EDA: variants seen among roughly 807,000 people sequenced by gnomAD.
EDA encodes ectodysplasin-A.
A neutral mutation model predicts 23.6 loss-of-function variants in EDA; 2 were observed. The ratio of observed to expected loss-of-function variants is 0.08; its 90% CI spans 0.03 to 0.27. EDA has a LOEUF of 0.27. Ranked by LOEUF, EDA falls within the 10% of genes least tolerant of loss-of-function variation. The pLI is 1.00. For synonymous variants in EDA, 131 were observed against 132.0 expected, an observed-to-expected ratio of 0.99 and a Z score of 0.05; for missense variants, 229 against 324.2, an observed-to-expected ratio of 0.71 and a Z score of 2.26.
At chrX:69,730,728 T>C (rs1826858804) in intron 1 of EDA, among the ~76,000 whole-genome samples, 1 of 111,984 alleles carries the variant, frequency 8.9e-6, no homozygotes, top group South Asian at 3.7e-4. Context: ...TGCTCAGTGC[T>C]GTGCTTTAGT....
intron 1 of EDA, among the ~76,000 whole-genome samples, chrX:69,663,259 A>G (rs145115644): frequency 0.014 from 1,533 of 111,785 alleles, 20 homozygotes; most frequent in African/African-American, 0.045. Flanking sequence ...GCATAAGAGG[A>G]AAAATTGGTT....
intron 1 of EDA, among the ~76,000 whole-genome samples, chrX:69,842,012 C>T (rs1199987614): frequency 8.9e-6 from 1 of 111,905 alleles, no homozygotes; most frequent in Non-Finnish European, 1.9e-5. Context: ...TATCAGGGGT[C>T]CCCCCCGTCG....
chrX:70,007,433 G>A (rs1310041307), intron 2 of EDA, among the ~76,000 whole-genome samples: 1 of 111,351 alleles, frequency 9.0e-6, no homozygotes, highest in Non-Finnish European at 1.9e-5. Context: ...GTGAGTTCTA[G>A]TGAGATCTGA....
intron 1 of EDA, among the ~76,000 whole-genome samples, chrX:69,818,572 G>A (rs2016135673): frequency 8.9e-6 from 1 of 111,732 alleles, no homozygotes; most frequent in Non-Finnish European, 1.9e-5. Flanking sequence ...ACTACCATCA[G>A]AGAATACTAT....
At chrX:69,895,609 A>G (rs1306661120) in intron 1 of EDA, among the ~76,000 whole-genome samples, 2 of 111,936 alleles carry the variant, frequency 1.8e-5, no homozygotes, top group African/African-American at 6.5e-5. Flanking sequence ...AAAATCCTAC[A>G]TTATATAAAT....
chrX:69,649,332 A>G (rs1183665694), intron 1 of EDA, among the ~76,000 whole-genome samples: 5 of 112,088 alleles, frequency 4.5e-5, no homozygotes, highest in Middle Eastern at 4.2e-3. Flanking sequence ...AGGTTGGTCT[A>G]TTTAGTCCAG....
intron 1 of EDA, among the ~76,000 whole-genome samples, chrX:69,745,864 T>G (rs745407829): frequency 1.8e-5 from 2 of 111,165 alleles, no homozygotes; most frequent in East Asian, 5.7e-4. Flanking sequence ...AGTGGGCACC[T>G]GTAATCCCAG....
chrX:69,910,101 T>A (rs1352365068), intron 1 of EDA, among the ~76,000 whole-genome samples: 2 of 111,421 alleles, frequency 1.8e-5, no homozygotes, highest in African/African-American at 6.5e-5. Flanking sequence ...CAGTTTTATA[T>A]CTATTATTAA....
At chrX:69,647,950 G>A (rs1385518776) in intron 1 of EDA, among the ~76,000 whole-genome samples, 1 of 111,430 alleles carries the variant, frequency 9.0e-6, no homozygotes, top group South Asian at 3.8e-4. Context: ...TGTACCGTAG[G>A]ACTGCTGTGG....
intron 5 of EDA, 119 bp downstream of exon 5, chrX:70,029,657 T>TCTGA (rs1163119410): frequency 3.8e-6 from 3 of 787,598 alleles, no homozygotes; most frequent in Non-Finnish European, 5.7e-6. Flanking sequence ...CCCCGGAGAT[T>TCTGA]CTGACGGTTT....
intron 2 of EDA, among the ~76,000 whole-genome samples, chrX:69,963,437 G>A (rs1487846619): frequency 8.9e-6 from 1 of 111,828 alleles, no homozygotes; most frequent in Non-Finnish European, 1.9e-5. Flanking sequence ...TAAAGCTTTT[G>A]AAGGCTCACC....
chrX:69,655,211 C>T (rs1377970818), intron 1 of EDA, among the ~76,000 whole-genome samples: 1 of 111,434 alleles, frequency 9.0e-6, no homozygotes, highest in African/African-American at 3.3e-5. Flanking sequence ...GCCTGGCCAA[C>T]ATGGAGAAAC....
At chrX:69,756,806 T>C in intron 1 of EDA, 1 of 111,962 alleles carries the variant, frequency 8.9e-6, no homozygotes, top group East Asian at 2.8e-4. Flanking sequence ...CAGCAAACTT[T>C]TTTTCTGTCC....
intron 1 of EDA, among the ~76,000 whole-genome samples, chrX:69,769,890 G>C (rs1478157493): frequency 9.0e-6 from 1 of 111,347 alleles, no homozygotes; most frequent in Non-Finnish European, 1.9e-5. Flanking sequence ...GGTGGTGTGT[G>C]TGGTGTAAAA....
intron 1 of EDA, among the ~76,000 whole-genome samples, chrX:69,815,064 C>T (rs1402780271): frequency 8.9e-6 from 1 of 112,065 alleles, no homozygotes; most frequent in Admixed American, 9.4e-5. Context: ...CTTTGGGCCC[C>T]ACTTCCACAT....
intron 1 of EDA, among the ~76,000 whole-genome samples, chrX:69,763,188 G>A (rs2014364463): frequency 8.9e-6 from 1 of 112,014 alleles, no homozygotes; most frequent in African/African-American, 3.2e-5. Context: ...CTAGAAATAG[G>A]CAGGATATCT....
intron 1 of EDA, among the ~76,000 whole-genome samples, chrX:69,788,253 C>T (rs770308327): frequency 1.5e-4 from 17 of 112,307 alleles, no homozygotes; most frequent in Non-Finnish European, 2.4e-4. Context: ...TCCCGTAGCT[C>T]GGAGTAATTT....
At chrX:69,782,112 A>C (rs1390980974) in intron 1 of EDA, among the ~76,000 whole-genome samples, 3 of 109,539 alleles carry the variant, frequency 2.7e-5, no homozygotes, top group Non-Finnish European at 5.7e-5. Flanking sequence ...CACCCAAGTC[A>C]ACCCCTGGCT....
chrX:69,783,323 C>T (rs5936746), intron 1 of EDA, among the ~76,000 whole-genome samples: 41,424 of 108,614 alleles, frequency 0.38, 7,118 homozygotes, highest in Middle Eastern at 0.65. Flanking sequence ...TTTTAGGGTA[C>T]ATGTGCACAA....
Sources: gnomAD v4.1 joint callset for allele counts (sites outside exome capture counted in the v4.1 genomes callset) on GRCh38, gnomAD v4.1.1 for gene constraint, MANE v1.5 for transcripts, NCBI Gene and HGNC (gene_info 2026-07-23, HGNC 2026-07-21) for gene names.